The following EMCN variants were observed in gnomAD, a reference collection of about 807,000 sequenced individuals.
The protein encoded by EMCN is MUC-14.
Under a neutral mutation model 38.4 loss-of-function variants are expected in EMCN, and 37 were observed. That is an observed-to-expected ratio of 0.96 (90% CI 0.74 to 1.27). The LOEUF is 1.27. Among genes scored for constraint, EMCN ranks in the 50% most tolerant of loss-of-function variants. The probability of loss-of-function intolerance (pLI) is 0.00; values close to 1 mark genes in which losing one functional copy is unlikely to be tolerated. For synonymous variants in EMCN, 95 were observed against 100.8 expected (o/e 0.94, Z 0.35); for missense variants, 318 against 302.8 (o/e 1.05, Z -0.37).
At position 100,475,658 on chromosome 4, in the gene EMCN, CCTTTTTTTTTTT is replaced by C. The variant is rs1728619265; in HGVS notation, c.188-561_188-550del. Among the ~76,000 whole-genome samples, 4 of 108,092 alleles carry C rather than the reference CCTTTTTTTTTTT, an allele frequency of 3.7e-5. 1 individual carries two copies. The highest frequency in any genetic ancestry group is 7.4e-5 in the African/African-American group (2 of 27,062). 70.9% of individuals were successfully genotyped at this position (108,092 alleles called of 152,430 possible). ...CTTGAGGGCAGTATCCAATTCTAGT[CCTTTTTTTTTTT>C]TTTTTTTTTTTTTTTTTTTTTTTTG... is the stretch of plus-strand genomic sequence containing the variant. On this transcript the variant is annotated intron_variant, in intron 2 of 11. Coordinates refer to ENST00000296420, the MANE Select transcript of EMCN (RefSeq NM_016242.4).
intron 1 of EMCN, among the ~76,000 whole-genome samples, chr4:100,506,654 A>G (rs1729487420): frequency 6.6e-6 from 1 of 152,074 alleles, no homozygotes; most frequent in African/African-American, 2.4e-5. Flanking sequence ...ATTTTAAAAT[A>G]TTTGTAAATA....
chr4:100,407,562 G>C (rs1337479934), intron 11 of EMCN, among the ~76,000 whole-genome samples: 1 of 152,110 alleles, frequency 6.6e-6, no homozygotes, highest in East Asian at 1.9e-4. Flanking sequence ...GTCTCTTCTG[G>C]CTTGTAGAGT....
chr4:100,475,823 G>A (rs539937607), intron 2 of EMCN, among the ~76,000 whole-genome samples: 6 of 151,518 alleles, frequency 4.0e-5, no homozygotes, highest in Admixed American at 1.3e-4. Flanking sequence ...GACTACAGGC[G>A]CCCGCCACCA....
intron 3 of EMCN, among the ~76,000 whole-genome samples, chr4:100,474,300 A>G (rs1436723768): frequency 6.6e-6 from 1 of 152,222 alleles, no homozygotes; most frequent in Non-Finnish European, 1.5e-5. Flanking sequence ...AATATAACTC[A>G]GAGTCACAAT....
chr4:100,485,971 A>G lies in EMCN; in HGVS notation c.65-5932T>C, dbSNP rs147845010. ...TTGCCTCAATAAATATTTATTCAGC[A>G]TCAATTTCAACAGGTGTTAAGCACA... On this transcript the variant is annotated intron_variant, in intron 1 of 11. Coordinates refer to ENST00000296420, the MANE Select transcript of EMCN (RefSeq NM_016242.4). Among the ~76,000 whole-genome samples, 77 of 152,330 alleles carry G rather than the reference A, an allele frequency of 5.1e-4. 1 individual carries two copies. Among genetic ancestry groups the G allele is most frequent in the African/African-American group, 1.7e-3 (69 of 41,592 alleles).
At chr4:100,454,833 C>T (rs1397370666) in intron 4 of EMCN, among the ~76,000 whole-genome samples, 1 of 152,084 alleles carries the variant, frequency 6.6e-6, no homozygotes, top group African/African-American at 2.4e-5. Flanking sequence ...TCCTTTGAAA[C>T]CTTCTCTGTC....
chr4:100,458,600 T>G (rs1728081972), intron 4 of EMCN, among the ~76,000 whole-genome samples: 1 of 152,106 alleles, frequency 6.6e-6, no homozygotes, highest in South Asian at 2.1e-4. Flanking sequence ...ATCTATAAAT[T>G]CAGTTAACAT....
chr4:100,500,346 T>C (rs1051650355), intron 1 of EMCN, among the ~76,000 whole-genome samples: 1 of 152,148 alleles, frequency 6.6e-6, no homozygotes, highest in Non-Finnish European at 1.5e-5. Context: ...GCCTAATGTT[T>C]GTGACAACTA....
At chr4:100,417,087 C>A in intron 9 of EMCN, 30 bp downstream of exon 9, 2 of 1,610,036 alleles carry the variant, frequency 1.2e-6, no homozygotes, top group South Asian at 2.2e-5. Flanking sequence ...ATGGTAGGGT[C>A]TAAACAAAAG....
At chr4:100,470,814 A>T (rs1053765514) in intron 3 of EMCN, among the ~76,000 whole-genome samples, 2 of 152,078 alleles carry the variant, frequency 1.3e-5, no homozygotes, top group Non-Finnish European at 2.9e-5. Flanking sequence ...GTTCTCACTT[A>T]TAAGTGGGAG....
At position 100,395,491 on chromosome 4, in the gene EMCN, T is replaced by C. The variant is rs1726098198; in HGVS notation, c.*2922A>G. 1 of 152,176 alleles carries C rather than the reference T, an allele frequency of 6.6e-6. No homozygotes were observed. Among genetic ancestry groups the C allele is most frequent in the African/African-American group, 2.4e-5 (1 of 41,460 alleles). The allele number at this position is 152,176 out of a possible 1,614,324, so 9.4% of individuals were successfully genotyped here. ...TCATTATAGGTTTAATTAATCACAA[T>C]GATGGATATCTTTAACATTAGGCAA... On this transcript the variant is annotated 3_prime_UTR_variant, in exon 12 of 12. Coordinates refer to ENST00000296420, the MANE Select transcript of EMCN (RefSeq NM_016242.4).
chr4:100,418,457 T>A (rs1483462662), intron 8 of EMCN, among the ~76,000 whole-genome samples: 1 of 152,144 alleles, frequency 6.6e-6, no homozygotes, highest in East Asian at 1.9e-4. Context: ...TTATTGACTA[T>A]AGTCGCCCTG....
chr4:100,436,296 C>G (rs182784483), intron 5 of EMCN, among the ~76,000 whole-genome samples: 265 of 152,126 alleles, frequency 1.7e-3, no homozygotes, highest in Non-Finnish European at 2.3e-3. Flanking sequence ...AAATGCAAAT[C>G]AAAACTACAA....
At chr4:100,402,874 G>A (rs1463551472) in intron 11 of EMCN, among the ~76,000 whole-genome samples, 1 of 151,578 alleles carries the variant, frequency 6.6e-6, no homozygotes, top group East Asian at 1.9e-4. Flanking sequence ...TGGACAATTA[G>A]TTACTAATAT....
intron 5 of EMCN, among the ~76,000 whole-genome samples, chr4:100,433,532 TA>T (rs1247483093): frequency 6.6e-6 from 1 of 151,684 alleles, no homozygotes; most frequent in South Asian, 2.1e-4. Context: ...CATACTATTT[TA>T]TTTTTTTTCC....
intron 11 of EMCN, among the ~76,000 whole-genome samples, chr4:100,403,819 G>A (rs1726322437): frequency 6.6e-6 from 1 of 152,036 alleles, no homozygotes; most frequent in Admixed American, 6.6e-5. Flanking sequence ...TTTCCCAAAT[G>A]ATTAGTGATA....
chr4:100,470,399 G>A (rs776426762), intron 3 of EMCN, among the ~76,000 whole-genome samples: 8 of 150,760 alleles, frequency 5.3e-5, no homozygotes, highest in Non-Finnish European at 8.9e-5. Flanking sequence ...ACAGGTGCCA[G>A]TGAGGTTGTG....
chr4:100,448,964 C>T (rs1727763717), intron 4 of EMCN, among the ~76,000 whole-genome samples: 1 of 151,990 alleles, frequency 6.6e-6, no homozygotes, highest in Non-Finnish European at 1.5e-5. Flanking sequence ...ATCATTCCAT[C>T]TCATTGCTTC....
intron 11 of EMCN, among the ~76,000 whole-genome samples, chr4:100,403,835 C>G (rs1034758806): frequency 6.6e-6 from 1 of 151,982 alleles, no homozygotes; most frequent in South Asian, 2.1e-4. Flanking sequence ...TGATATTAGG[C>G]ACTTTTGCAT....
Sources: gnomAD v4.1 joint callset for allele counts (sites outside exome capture counted in the v4.1 genomes callset) on GRCh38, gnomAD v4.1.1 for gene constraint, MANE v1.5 for transcripts, NCBI Gene and HGNC (gene_info 2026-07-23, HGNC 2026-07-21) for gene names.